Variants in FOXN3 observed in about 807,000 individuals in gnomAD.
The protein encoded by FOXN3 is forkhead box protein N3.
In FOXN3, 7 loss-of-function variants were observed where a neutral mutation model predicts 38.4. That is an observed-to-expected ratio of 0.18 (90% confidence interval 0.10 to 0.34). FOXN3 has a LOEUF of 0.34. Among genes scored for constraint, FOXN3 ranks in the 10% least tolerant of loss-of-function variants. The pLI, the probability that FOXN3 is intolerant of heterozygous loss-of-function variation, is 1.00. For synonymous variants in FOXN3, 230 were observed against 242.2 expected (o/e 0.95, Z 0.47); for missense variants, 456 against 613.4 (o/e 0.74, Z 2.71).
intron 3 of FOXN3, among the ~76,000 whole-genome samples, chr14:89,341,638 C>T (rs1248106538): frequency 6.6e-6 from 1 of 152,156 alleles, no homozygotes; most frequent in East Asian, 1.9e-4. Context: ...ATGAGACCAT[C>T]TTAGATGTGC....
chr14:89,464,861 C>T (rs1251253982), intron 1 of FOXN3, among the ~76,000 whole-genome samples: 1 of 152,094 alleles, frequency 6.6e-6, no homozygotes, highest in Non-Finnish European at 1.5e-5. Flanking sequence ...CCACGCCCGG[C>T]TAATTTTTGT....
chr14:89,207,336 TA>T (rs558469717), intron 4 of FOXN3, among the ~76,000 whole-genome samples: 6 of 148,492 alleles, frequency 4.0e-5, no homozygotes, highest in Admixed American at 1.3e-4. Flanking sequence ...GAGTCTAGAT[TA>T]AAAAAAAAAC....
rs576593645 is a variant in FOXN3, at chr14:89,307,329, A to G, written c.681-26315T>C. On this transcript the variant is annotated intron_variant, in intron 3 of 5. Coordinates refer to ENST00000557258, the MANE Select transcript of FOXN3 (RefSeq NM_005197.4). Reference sequence around the variant, plus strand: ...TGTTTCTCCTCTGTGTTACTAATGGAACAATCTGAGGCACTCATCAGACTG... The same window carrying G: ...TGTTTCTCCTCTGTGTTACTAATGGGACAATCTGAGGCACTCATCAGACTG... 6.0e-4 allele frequency among the ~76,000 whole-genome samples: 92 copies of G among 152,340 alleles called. 1 individual carries two copies. The South Asian group carries it at 0.018, about 30-fold the overall frequency.
chr14:89,413,965 T>TGGAGGA lies in FOXN3; in HGVS notation c.-14-1481_-14-1476dup, dbSNP rs148455780. Among the ~76,000 whole-genome samples, 46 of 102,062 alleles carry TGGAGGA rather than the reference T, an allele frequency of 4.5e-4. 1 individual carries two copies. In the South Asian group the frequency reaches 0.013, roughly 30 times the overall value. The allele number at this position is 102,062 out of a possible 152,430, so 67.0% of individuals were successfully genotyped here. On this transcript the variant is annotated intron_variant, in intron 1 of 5. Transcript: ENST00000557258. The stretch of plus-strand genomic sequence containing the variant: ...GGAGAAGGGGGAGGAGGAGGAGGGA[T>TGGAGGA]GGAGGAGGAGGAGGAGGAGGAGAAG...
intron 5 of FOXN3, among the ~76,000 whole-genome samples, chr14:89,168,316 G>A (rs1887294892): frequency 6.6e-6 from 1 of 152,132 alleles, no homozygotes; most frequent in African/African-American, 2.4e-5. Context: ...AACTTCTAGA[G>A]ATAAAACATA....
At chr14:89,254,916 A>C (rs1343860042) in intron 4 of FOXN3, among the ~76,000 whole-genome samples, 2 of 152,200 alleles carry the variant, frequency 1.3e-5, no homozygotes, top group African/African-American at 4.8e-5. Flanking sequence ...CGACGCACTT[A>C]GCAGCACTTA....
upstream of FOXN3, chr14:89,419,061 G>A (rs1369776193): frequency 2.2e-6 from 1 of 448,970 alleles, no homozygotes; most frequent in South Asian, 1.6e-5. Context: ...AAGAGGGGAT[G>A]TGAGCCAAAG....
In FOXN3 at chr14:89,563,486, G is replaced by A. The variant is rs545176881; in HGVS notation, c.-15+55542C>T. 3.9e-5 allele frequency among the ~76,000 whole-genome samples: 6 copies of A among 152,314 alleles called. No individual in the cohort carries two copies. The East Asian group carries it at 7.7e-4, about 20-fold the overall frequency. On this transcript the variant is annotated intron_variant, in intron 1 of 6. Coordinates refer to the FOXN3 transcript ENST00000345097. ...AGATGGCACTAAAAGGCAGGCCTAT[G>A]AGAGCCAAACAAGATACAGACAGAG...
At chr14:89,595,995 A>G (rs1009814123) in intron 1 of FOXN3, among the ~76,000 whole-genome samples, 17 of 152,228 alleles carry the variant, frequency 1.1e-4, no homozygotes, top group African/African-American at 4.1e-4. Flanking sequence ...AATATACTAA[A>G]TAACACTTAC....
Position 89,159,110 on chromosome 14 carries a change from A to T in FOXN3, c.*3304T>A, listed in dbSNP as rs1887041590. 6.5e-6 allele frequency: 1 copy of T among 152,686 alleles called. No individual in the cohort carries two copies. Among genetic ancestry groups the T allele is most frequent in the African/African-American group, 2.4e-5 (1 of 41,460 alleles). 9.5% of individuals were successfully genotyped at this position (152,686 alleles called of 1,614,324 possible). A position where few individuals can be genotyped will look rare whatever the true frequency, so the allele number is the denominator to read the frequency against. On this transcript the variant is annotated 3_prime_UTR_variant, in exon 6 of 6. Transcript: ENST00000557258. ...TTCTTTCACAAATAGGCTTGTGCTT[A>T]AATTCTCTACTGCTCTTGGAGGAGG...
intron 3 of FOXN3, among the ~76,000 whole-genome samples, chr14:89,332,764 G>A (rs1888287563): frequency 1.3e-5 from 2 of 152,104 alleles, no homozygotes; most frequent in South Asian, 4.2e-4. Flanking sequence ...AATGAAAAAG[G>A]CAACCTACAG....
At chr14:89,587,243 C>T (rs1041117331) in intron 1 of FOXN3, among the ~76,000 whole-genome samples, 1 of 152,228 alleles carries the variant, frequency 6.6e-6, no homozygotes, top group African/African-American at 2.4e-5. Flanking sequence ...GGGGGTAATC[C>T]GCTTTATTCA....
Position 89,162,529 on chromosome 14 carries a change from A to G in FOXN3, c.1292T>C (p.Met431Thr), listed in dbSNP as rs755047105. 3 of 1,607,026 alleles carry G rather than the reference A, an allele frequency of 1.9e-6. No homozygotes were observed. The Admixed American group carries it at 5.1e-5, about 27-fold the overall frequency. Residue 431 changes from methionine (M) to threonine (T), a missense_variant, in exon 6 of 6, where the codon ATG becomes ACG. Met to Thr is a moderately conservative substitution (Grantham distance 81). Coordinates refer to ENST00000557258, the MANE Select transcript of FOXN3 (RefSeq NM_005197.4). This position sits in a 1 kb window ranked among gnomAD's most constrained non-coding sequence, Gnocchi z 7.2. Reference sequence around the variant, plus strand: ...CAGGAGGGACCCTGCCGCTTCTTTCATCTCCTCATCATCGCTCTCGGGGGG... The same window carrying G: ...CAGGAGGGACCCTGCCGCTTCTTTCGTCTCCTCATCATCGCTCTCGGGGGG... ...EKPPESDDEE[M>T]KEAAGSLLHL...
chr14:89,406,401 C>CAG (rs35457769), intron 2 of FOXN3, among the ~76,000 whole-genome samples: 56,612 of 151,864 alleles, frequency 0.37, 13,158 homozygotes, highest in Admixed American at 0.51. Flanking sequence ...GCCTGTGTGA[C>CAG]AGAGACCCTG....
At chr14:89,208,683 C>T (rs1888448165) in intron 4 of FOXN3, among the ~76,000 whole-genome samples, 1 of 152,146 alleles carries the variant, frequency 6.6e-6, no homozygotes, top group South Asian at 2.1e-4. Flanking sequence ...TGCAACCTGC[C>T]TGGATTTTCA....
chr14:89,310,127 C>A (rs1011583903), intron 3 of FOXN3, among the ~76,000 whole-genome samples: 1 of 152,206 alleles, frequency 6.6e-6, no homozygotes, highest in African/African-American at 2.4e-5. Context: ...GGGCATAATA[C>A]CAGCCACAAG....
intron 3 of FOXN3, chr14:89,291,543 G>A (rs1437297867): frequency 3.5e-6 from 2 of 576,234 alleles, no homozygotes; most frequent in Non-Finnish European, 3.4e-6. Context: ...AGCGACTCCA[G>A]GCAGCTGACA....
intron 3 of FOXN3, among the ~76,000 whole-genome samples, chr14:89,295,762 A>ATTT (rs1032063820): frequency 2.1e-4 from 26 of 123,216 alleles, no homozygotes; most frequent in Admixed American, 5.7e-4. Flanking sequence ...TAATTTTTGC[A>ATTT]TTTTTTTTTT....
chr14:89,472,830 G>A (rs1455270078), intron 1 of FOXN3, among the ~76,000 whole-genome samples: 1 of 151,498 alleles, frequency 6.6e-6, no homozygotes, highest in Non-Finnish European at 1.5e-5. Context: ...TCAGATGCCA[G>A]ACTTCTTTCC....
Sources: allele counts gnomAD v4.1 joint callset (sites outside exome capture counted in the v4.1 genomes callset), GRCh38; gene constraint gnomAD v4.1.1; non-coding constraint Gnocchi (gnomAD v3.1); transcripts MANE v1.5; gene names NCBI Gene and HGNC (gene_info 2026-07-23, HGNC 2026-07-21).